Variants in TOPAZ1 observed in about 807,000 individuals in gnomAD.
The protein encoded by TOPAZ1 is testis and ovary specific TOPAZ 1.
In TOPAZ1, 66 loss-of-function variants were observed where a neutral mutation model predicts 172.2. That is an observed-to-expected ratio of 0.38 (90% CI 0.31 to 0.47). The LOEUF (loss-of-function observed/expected upper bound fraction) is 0.47, where lower values mean the gene tolerates loss of function less well. TOPAZ1 is among the 20% of genes least tolerant of loss of function. The pLI is 0.99. For synonymous variants in TOPAZ1, 681 were observed against 683.9 expected (o/e 1.00, Z 0.07); for missense variants, 1,822 against 1,972.4 (o/e 0.92, Z 1.44).
chr3:44,312,398 A>G (rs1700406761), intron 16 of TOPAZ1, among the ~76,000 whole-genome samples: 1 of 152,218 alleles, frequency 6.6e-6, no homozygotes, highest in African/African-American at 2.4e-5. Context: ...GGAAGGAGAA[A>G]TTGAGTGCTT....
intron 6 of TOPAZ1, 93 bp downstream of exon 6, chr3:44,267,229 G>T (rs1366054120): frequency 1.2e-4 from 106 of 886,138 alleles, no homozygotes; most frequent in Middle Eastern, 2.8e-4. Flanking sequence ...GATTAAAAAA[G>T]AAAAATGGAA....
At chr3:44,255,224 T>C (rs1699683336) in intron 3 of TOPAZ1, among the ~76,000 whole-genome samples, 195 bp downstream of exon 3, 1 of 149,142 alleles carries the variant, frequency 6.7e-6, no homozygotes, top group Admixed American at 6.6e-5. Context: ...TTCTGTTTGA[T>C]TATTTAATAA....
chr3:44,309,736 C>A, intron 15 of TOPAZ1, 89 bp from the exon 16 acceptor site: 1 of 972,144 alleles, frequency 1.0e-6, no homozygotes, highest in Non-Finnish European at 1.5e-6. Context: ...ATGATTCAAA[C>A]TGGATACTTG....
rs537908788 is a variant in TOPAZ1, at chr3:44,297,810, CACA to C, written c.3798-6203_3798-6201del. The stretch of plus-strand genomic sequence containing the variant: ...AGCAAGGTTGCAGCACAAAAATCAA[CACA>C]AAAATCAACCATATTTCTATATACT... On this transcript the variant is annotated intron_variant, in intron 12 of 19. Transcript: ENST00000309765. Among the ~76,000 whole-genome samples the C allele has an allele frequency of 1.3e-4, 20 of 150,948 alleles. No homozygotes were observed. In the South Asian group the frequency reaches 4.2e-3, roughly 32 times the overall value.
chr3:44,308,371 T>A (rs1700359260), intron 15 of TOPAZ1, among the ~76,000 whole-genome samples: 1 of 148,960 alleles, frequency 6.7e-6, no homozygotes, highest in African/African-American at 2.5e-5. Context: ...AGTGGGAACA[T>A]GCGGTGTTTG....
chr3:44,285,573 T>C (rs1700069370), intron 9 of TOPAZ1, among the ~76,000 whole-genome samples: 1 of 152,008 alleles, frequency 6.6e-6, no homozygotes, highest in African/African-American at 2.4e-5. Context: ...TATCATTATT[T>C]GTTTTTGATT....
chr3:44,328,488 C>A, intron 19 of TOPAZ1, 55 bp downstream of exon 19: 2 of 975,046 alleles, frequency 2.1e-6, no homozygotes, highest in Non-Finnish European at 3.0e-6. Context: ...CTCCCCACAC[C>A]CACCCTAAGA....
chr3:44,276,395 A>G (rs1201019200), intron 8 of TOPAZ1, among the ~76,000 whole-genome samples: 2 of 152,068 alleles, frequency 1.3e-5, no homozygotes, highest in Non-Finnish European at 2.9e-5. Flanking sequence ...GAATATGGAT[A>G]TCTTAATTTT....
chr3:44,258,909 C>T (rs1000727615), intron 4 of TOPAZ1, among the ~76,000 whole-genome samples: 1 of 152,324 alleles, frequency 6.6e-6, no homozygotes, highest in African/African-American at 2.4e-5. Context: ...AGATTACTCT[C>T]CTGCGGCTGG....
intron 12 of TOPAZ1, among the ~76,000 whole-genome samples, chr3:44,298,547 A>G (rs1700225321): frequency 1.3e-5 from 2 of 152,070 alleles, no homozygotes; most frequent in African/African-American, 2.4e-5. Flanking sequence ...TTAAGAAAGT[A>G]TGTTATTGGA....
At chr3:44,326,248 A>G (rs1700599324) in intron 18 of TOPAZ1, among the ~76,000 whole-genome samples, 2 of 152,156 alleles carry the variant, frequency 1.3e-5, no homozygotes, top group African/African-American at 4.8e-5. Context: ...AAGCTGCATC[A>G]TTTTATATTT....
chr3:44,290,374 A>G (rs1351621138), intron 11 of TOPAZ1, among the ~76,000 whole-genome samples: 2 of 152,182 alleles, frequency 1.3e-5, no homozygotes, highest in East Asian at 3.9e-4. Flanking sequence ...CTGAGTGATT[A>G]ATTTATCAAG....
Position 44,282,024 on chromosome 3 carries a change from G to A in TOPAZ1, c.3429G>A (p.Gln1143=), listed in dbSNP as rs1427687205. Residue 1143 remains glutamine (Q), a synonymous_variant, in exon 9 of 20, where the codon CAG becomes CAA. Coordinates refer to ENST00000309765, the MANE Select transcript of TOPAZ1 (RefSeq NM_001145030.2). ...ATATCAATGAACTGTGTTTGCTACA[G>A]CGTGCAGGTATGAAACAATTAAATA... ...YININELCLL[Q]RAVNIFMEYY... The A allele has an allele frequency of 6.5e-7, 1 of 1,539,118 alleles. No homozygotes were observed. The highest frequency in any genetic ancestry group is 1.2e-5 in the South Asian group (1 of 82,858).
At chr3:44,327,390 TTA>T (rs1700611851) in intron 18 of TOPAZ1, among the ~76,000 whole-genome samples, 1 of 152,152 alleles carries the variant, frequency 6.6e-6, no homozygotes, top group African/African-American at 2.4e-5. Context: ...TCTAGAAGTT[TTA>T]TAGGTATTTC....
At chr3:44,311,328 A>C (rs1473557975) in intron 16 of TOPAZ1, among the ~76,000 whole-genome samples, 2 of 152,196 alleles carry the variant, frequency 1.3e-5, no homozygotes, top group African/African-American at 4.8e-5. Flanking sequence ...AAAAATGGAA[A>C]TTAATGAAAT....
chr3:44,257,349 A>AGGGGG (rs201484200), intron 4 of TOPAZ1, among the ~76,000 whole-genome samples: 1 of 93,574 alleles, frequency 1.1e-5, no homozygotes, highest in Admixed American at 1.1e-4. Context: ...AAGAAAACAT[A>AGGGGG]GGGGTGTGTG....
At chr3:44,292,277 A>T (rs185478721) in intron 12 of TOPAZ1, among the ~76,000 whole-genome samples, 42 of 152,288 alleles carry the variant, frequency 2.8e-4, no homozygotes, top group African/African-American at 1.0e-3. Context: ...GATTTTGGGG[A>T]CTACCTAGGA....
At chr3:44,333,209 G>A (rs2125709063), downstream of TOPAZ1, among the ~76,000 whole-genome samples, 1 of 152,224 alleles carries the variant, frequency 6.6e-6, no homozygotes, top group African/African-American at 2.4e-5. Context: ...ACAAGACTAG[G>A]AAGGTTAAAT....
chr3:44,307,551 G>A (rs1453612155), intron 15 of TOPAZ1, among the ~76,000 whole-genome samples: 1 of 152,024 alleles, frequency 6.6e-6, no homozygotes, highest in East Asian at 1.9e-4. Flanking sequence ...TTCAAGTAGA[G>A]GACAGGAAAT....
Sources: gnomAD v4.1 joint callset for allele counts (sites outside exome capture counted in the v4.1 genomes callset) on GRCh38, gnomAD v4.1.1 for gene constraint, MANE v1.5 for transcripts, NCBI Gene and HGNC (gene_info 2026-07-23, HGNC 2026-07-21) for gene names.